Variants in PRKACA observed in about 807,000 individuals in gnomAD.
PRKACA encodes the protein cAMP-dependent protein kinase catalytic subunit alpha.
In PRKACA, 9 loss-of-function variants were observed where a neutral mutation model predicts 45.8. The ratio of observed to expected loss-of-function variants is 0.20; its 90% CI spans 0.12 to 0.34. The LOEUF is 0.34. Ranked by LOEUF, PRKACA falls within the 10% of genes least tolerant of loss-of-function variation. The pLI is 1.00. For synonymous variants in PRKACA, 160 were observed against 178.6 expected (o/e 0.90, Z 0.83); for missense variants, 238 against 458.6 (o/e 0.52, Z 4.39).
Position 14,106,815 on chromosome 19 carries a change from A to G in PRKACA, c.182T>C (p.Val61Ala). 6.2e-7 allele frequency: 1 copy of G among 1,614,040 alleles called. No homozygotes were observed. The highest frequency in any genetic ancestry group is 8.5e-7 in the Non-Finnish European group (1 of 1,179,992). The change falls in exon 3 of 10, where the codon GTG (valine) becomes GCG (alanine). Residue 61 changes from valine to alanine, a missense_variant. Physicochemically the swap from Val to Ala is moderately conservative, Grantham distance 64. Coordinates refer to ENST00000308677, the MANE Select transcript of PRKACA (RefSeq NM_002730.4). ...GTGSFGRVML[V>A]KHKETGNHYA... Reference sequence around the variant, plus strand: ...GTGGTTCCCGGTCTCCTTGTGTTTCACCAGCATCACCCGCCCGAAGGAGCC... The same window carrying G: ...GTGGTTCCCGGTCTCCTTGTGTTTCGCCAGCATCACCCGCCCGAAGGAGCC...
At chr19:14,114,119 A>G (rs1247407513) in intron 1 of PRKACA, 3 of 1,609,518 alleles carry the variant, frequency 1.9e-6, no homozygotes, top group African/African-American at 2.7e-5. Flanking sequence ...CTATAGTAAC[A>G]GGACTCAGCC....
chr19:14,097,953 G>A lies in PRKACA; in HGVS notation c.420-63C>T. 5 of 1,594,672 alleles carry A rather than the reference G, an allele frequency of 3.1e-6. No individual in the cohort carries two copies. Among genetic ancestry groups the A allele is most frequent in the Non-Finnish European group, 4.3e-6 (5 of 1,166,686 alleles). On this transcript the variant is annotated intron_variant, in intron 5 of 9. Coordinates refer to ENST00000308677, the MANE Select transcript of PRKACA (RefSeq NM_002730.4). This position sits in a 1 kb window ranked among gnomAD's most constrained non-coding sequence, Gnocchi z 5.4. Reference sequence around the variant, plus strand: ...ATGCCCCAAAATGGTCCAGCAGGTGGCCCTGCAGAGCCTACCCCAGAGGAA... The same window carrying A: ...ATGCCCCAAAATGGTCCAGCAGGTGACCCTGCAGAGCCTACCCCAGAGGAA...
intron 3 of PRKACA, among the ~76,000 whole-genome samples, 187 bp downstream of exon 3, chr19:14,106,573 G>A (rs1010894394): frequency 1.3e-5 from 2 of 152,208 alleles, no homozygotes; most frequent in Non-Finnish European, 2.9e-5. Flanking sequence ...AGAATCGCTT[G>A]AACTAGGGAG....
chr19:14,095,910 G>A (rs1410340856), intron 8 of PRKACA, among the ~76,000 whole-genome samples: 2 of 151,610 alleles, frequency 1.3e-5, no homozygotes, highest in Non-Finnish European at 2.9e-5. Flanking sequence ...TGTGACCCAG[G>A]CTAGACTGCA....
At chr19:14,101,185 CCA>C (rs1977431535) in intron 4 of PRKACA, 1 of 388,214 alleles carries the variant, frequency 2.6e-6, no homozygotes, top group Non-Finnish European at 4.9e-6. Context: ...GGCTCTGAGG[CCA>C]CAGTTTTGTC....
chr19:14,093,200 C>A lies in PRKACA; in HGVS notation c.968G>T (p.Gly323Val). 1 of 1,614,024 alleles carries A rather than the reference C, an allele frequency of 6.2e-7. No homozygotes were observed. Among genetic ancestry groups the A allele is most frequent in the Admixed American group, 1.7e-5 (1 of 59,996 alleles). The change falls in exon 10 of 10, where the codon GGG becomes GTG. Residue 323 changes from glycine (G) to valine (V), a missense_variant. This residue lies in a region of PRKACA where 51 missense variants were observed against 68.6 expected (regional missense o/e 0.74). Transcript: ENST00000308677. ...ATAGTCGTCAAAGTTACTCGTATCC[C>A]CAGGGCCTTTAAACTTTGGTATGAA... is the stretch of plus-strand genomic sequence containing the variant. Reference protein sequence around the residue: ...APFIPKFKGPGDTSNFDDYEE... With the variant: ...APFIPKFKGPVDTSNFDDYEE...
intron 1 of PRKACA, chr19:14,114,102 G>A (rs777711679): frequency 3.7e-6 from 6 of 1,604,736 alleles, no homozygotes; most frequent in Admixed American, 1.7e-5. Context: ...GTGTGCCTAG[G>A]AAGTTGCTAT....
At chr19:14,114,709 G>C (rs1967071968) in intron 1 of PRKACA, among the ~76,000 whole-genome samples, 2 of 152,144 alleles carry the variant, frequency 1.3e-5, no homozygotes, top group Admixed American at 6.5e-5. Context: ...AACTTGGCCA[G>C]AGCCTGGGCC....
intron 5 of PRKACA, among the ~76,000 whole-genome samples, chr19:14,100,515 C>G (rs893606145): frequency 2.0e-5 from 3 of 152,168 alleles, no homozygotes; most frequent in African/African-American, 7.2e-5. Flanking sequence ...CCAGGCTGGT[C>G]TCAAACTCCT....
chr19:14,093,045 C>T lies in PRKACA; in HGVS notation c.*67G>A. On this transcript the variant is annotated 3_prime_UTR_variant, in exon 10 of 10. Coordinates refer to ENST00000308677, the MANE Select transcript of PRKACA (RefSeq NM_002730.4). ...GGCCCTCTGGCTGTTCAATCCAACC[C>T]TCCCACCCCCCCGACCAAAAAAAAG... 2.3e-6 allele frequency: 1 copy of T among 427,130 alleles called. No individual in the cohort carries two copies. Among genetic ancestry groups the T allele is most frequent in the Non-Finnish European group, 4.2e-6 (1 of 239,978 alleles). 26.5% of individuals were successfully genotyped at this position (427,130 alleles called of 1,614,324 possible).
In PRKACA at chr19:14,100,923, G is replaced by A; in HGVS notation, c.337-15C>T. On this transcript the variant is annotated splice_polypyrimidine_tract_variant and intron_variant, in intron 4 of 9. Transcript: ENST00000308677. ...TTTGAGTTGTCCTGTGGGAAGCAGT[G>A]GCTGGTCAAGGGCCCACCCCTGAGA... is the stretch of plus-strand genomic sequence containing the variant. The A allele has an allele frequency of 6.2e-7, 1 of 1,612,246 alleles. No homozygotes were observed. The highest frequency in any genetic ancestry group is 1.1e-5 in the South Asian group (1 of 91,046).
At chr19:14,096,424 G>A (rs1167073891) in intron 8 of PRKACA, 1 of 149,624 alleles carries the variant, frequency 6.7e-6, no homozygotes, top group Non-Finnish European at 1.5e-5. Flanking sequence ...CTGGCCTCAA[G>A]CCTCCACTTC....
chr19:14,106,686 G>A (rs1184610517), intron 3 of PRKACA, 74 bp downstream of exon 3: 14 of 1,584,250 alleles, frequency 8.8e-6, no homozygotes, highest in African/African-American at 1.3e-5. Context: ...GGGTGGATAG[G>A]GCACTCTAAG....
Position 14,091,935 on chromosome 19 carries a change from A to T in PRKACA, c.*1177T>A, listed in dbSNP as rs1370869323. ...TTCTATTACGAGAGAAAAAAGCACA[A>T]ATGAGAAAGTGGGGGAGAGGTGATG... On this transcript the variant is annotated 3_prime_UTR_variant, in exon 10 of 10. Coordinates refer to ENST00000308677, the MANE Select transcript of PRKACA (RefSeq NM_002730.4). 2.0e-5 allele frequency: 3 copies of T among 152,132 alleles called. No individual in the cohort carries two copies. Among genetic ancestry groups the T allele is most frequent in the African/African-American group, 7.2e-5 (3 of 41,430 alleles). 9.4% of individuals were successfully genotyped at this position (152,132 alleles called of 1,614,324 possible).
chr19:14,111,051 C>G (rs995293971), intron 1 of PRKACA, among the ~76,000 whole-genome samples: 1 of 152,234 alleles, frequency 6.6e-6, no homozygotes, highest in African/African-American at 2.4e-5. Context: ...CACTACCTGT[C>G]TCCAGAGCTT....
chr19:14,097,630 C>G lies in PRKACA; in HGVS notation c.591G>C (p.Trp197Cys). Residue 197 changes from tryptophan (W) to cysteine (C), a missense_variant, in exon 7 of 10, where the codon TGG (tryptophan) becomes TGC (cysteine). By Grantham distance (215) the Trp-to-Cys change is radical. This residue lies in a region of PRKACA where 94 missense variants were observed against 240.9 expected (regional missense o/e 0.39). Transcript: ENST00000308677. This position sits in a 1 kb window ranked among gnomAD's most constrained non-coding sequence, Gnocchi z 5.4. ...GGTACTCAGGGGTGCCGCACAAGGTCCAAGTGCGGCCCTTCACGCGCTTGG... is the reference window on the plus strand; with the variant it reads ...GGTACTCAGGGGTGCCGCACAAGGTGCAAGTGCGGCCCTTCACGCGCTTGG... ...GFAKRVKGRT[W>C]TLCGTPEYLA... The G allele has an allele frequency of 6.2e-7, 1 of 1,611,272 alleles. No homozygotes were observed. The highest frequency in any genetic ancestry group is 8.5e-7 in the Non-Finnish European group (1 of 1,178,166).
chr19:14,108,203 C>A (rs1156792900), intron 1 of PRKACA: 13 of 968,068 alleles, frequency 1.3e-5, no homozygotes, highest in Non-Finnish European at 1.6e-5. Context: ...GTTCAGAGCC[C>A]AGCCTGGTCT....
In PRKACA at chr19:14,092,939, T is replaced by C; in HGVS notation, c.*173A>G. The C allele has an allele frequency of 1.4e-6, 1 of 739,364 alleles. No individual in the cohort carries two copies. The highest frequency in any genetic ancestry group is 2.0e-6 in the Non-Finnish European group (1 of 497,502). The allele number at this position is 739,364 out of a possible 1,614,324, so 45.8% of individuals were successfully genotyped here. ...TGAGGGGGAGCAGCTGGTGTTTCTG[T>C]CCCTCTGATTATCTGGGCTTCCTGC... On this transcript the variant is annotated 3_prime_UTR_variant, in exon 10 of 10. Coordinates refer to ENST00000308677, the MANE Select transcript of PRKACA (RefSeq NM_002730.4).
Position 14,106,752 on chromosome 19 carries a change from C to CACCTCACCTTCTGTTT in PRKACA, c.229_237+7dup, listed in dbSNP as rs765001282. 6.2e-7 allele frequency: 1 copy of CACCTCACCTTCTGTTT among 1,614,112 alleles called. No individual in the cohort carries two copies. On this transcript the variant is annotated splice_region_variant and intron_variant, in intron 3 of 9. Transcript: ENST00000308677. ...AGGCAGGCCCTGAGCGAGGACAGGC[C>CACCTCACCTTCTGTTT]ACCTCACCTTCTGTTTGTCGAGGAT...
Sources: gnomAD v4.1 joint callset for allele counts (sites outside exome capture counted in the v4.1 genomes callset) on GRCh38, gnomAD v4.1.1 for gene constraint, gnomAD v4.1.1 regional missense constraint, Gnocchi (gnomAD v3.1) non-coding constraint, MANE v1.5 for transcripts, NCBI Gene and HGNC (gene_info 2026-07-23, HGNC 2026-07-21) for gene names.